VWA8: variants seen among roughly 807,000 people sequenced by gnomAD.
VWA8 encodes von Willebrand factor A domain containing 8, also known as von Willebrand factor A domain-containing protein 8.
VWA8 carries 221 observed loss-of-function variants against 241.5 expected under a neutral mutation model. The ratio of observed to expected loss-of-function variants is 0.91; its 90% confidence interval spans 0.82 to 1.02. VWA8 has a LOEUF of 1.02. Among genes scored for constraint, VWA8 ranks in the 50% least tolerant of loss-of-function variants. VWA8 has a pLI of 0.00. For missense variants in VWA8, 2,322 were observed against 2,328.7 expected (o/e 1.00, Z 0.06); for synonymous variants, 852 against 827.1 (o/e 1.03, Z -0.52).
chr13:41,763,355 TG>T (rs1555332047), intron 20 of VWA8, among the ~76,000 whole-genome samples: 1 of 144,588 alleles, frequency 6.9e-6, no homozygotes, highest in Non-Finnish European at 1.5e-5. Flanking sequence ...ATAGATAAAG[TG>T]GGATAAATTT....
chr13:41,959,583 G>A (rs1878510987), intron 1 of VWA8, among the ~76,000 whole-genome samples: 2 of 143,370 alleles, frequency 1.4e-5, no homozygotes, highest in Admixed American at 1.4e-4. Flanking sequence ...TGAATAAAAC[G>A]AAATACGTGG....
intron 17 of VWA8, among the ~76,000 whole-genome samples, chr13:41,798,460 A>G (rs1233551846): frequency 2.6e-5 from 4 of 152,174 alleles, no homozygotes; most frequent in African/African-American, 9.7e-5. Flanking sequence ...ATTTTCTCTC[A>G]ACACTTTCAG....
At chr13:41,599,499 C>T (rs1171691791) in intron 40 of VWA8, among the ~76,000 whole-genome samples, 1 of 152,110 alleles carries the variant, frequency 6.6e-6, no homozygotes, top group Non-Finnish European at 1.5e-5. Context: ...CACCTCAGTA[C>T]ACAACCTTTT....
chr13:41,648,428 A>G (rs2044846776), intron 37 of VWA8, among the ~76,000 whole-genome samples: 1 of 152,218 alleles, frequency 6.6e-6, no homozygotes, highest in African/African-American at 2.4e-5. Context: ...ATTTCCCCAG[A>G]AAAGTAAACA....
chr13:41,609,777 T>C (rs2044575573), intron 39 of VWA8, among the ~76,000 whole-genome samples: 1 of 152,168 alleles, frequency 6.6e-6, no homozygotes, highest in Admixed American at 6.6e-5. Flanking sequence ...CCTCTGTCTT[T>C]CAACCACCTT....
At chr13:41,952,573 G>C (rs1593894243) in intron 1 of VWA8, among the ~76,000 whole-genome samples, 1 of 152,076 alleles carries the variant, frequency 6.6e-6, no homozygotes, top group Non-Finnish European at 1.5e-5. Flanking sequence ...TTGGCCTCCT[G>C]ACAAAATGAT....
chr13:41,601,931 C>T (rs1181482353), intron 40 of VWA8, among the ~76,000 whole-genome samples: 1 of 152,022 alleles, frequency 6.6e-6, no homozygotes, highest in African/African-American at 2.4e-5. Context: ...AACTTTGTGC[C>T]GTTCACCAAG....
chr13:41,924,790 C>T (rs1432065996), intron 2 of VWA8, among the ~76,000 whole-genome samples: 1 of 149,458 alleles, frequency 6.7e-6, no homozygotes, highest in Non-Finnish European at 1.5e-5. Flanking sequence ...ACTTTAAGTT[C>T]TAGGGTACAT....
chr13:41,868,804 C>T (rs532607462), intron 9 of VWA8, among the ~76,000 whole-genome samples: 71 of 142,698 alleles, frequency 5.0e-4, no homozygotes, highest in African/African-American at 9.6e-4. Flanking sequence ...AAGAGAATGG[C>T]GTGAACCCGG....
At chr13:41,946,032 T>C (rs954393565) in intron 2 of VWA8, among the ~76,000 whole-genome samples, 1 of 151,830 alleles carries the variant, frequency 6.6e-6, no homozygotes, top group African/African-American at 2.4e-5. Context: ...AACTGACTTA[T>C]CATATAAAAA....
At chr13:41,582,663 TTATTCC>T (rs1316453132) in intron 42 of VWA8, among the ~76,000 whole-genome samples, 1 of 152,230 alleles carries the variant, frequency 6.6e-6, no homozygotes, top group African/African-American at 2.4e-5. Flanking sequence ...CTTTTGTTAG[TTATTCC>T]TATTCCCTTT....
intron 17 of VWA8, among the ~76,000 whole-genome samples, chr13:41,793,462 TCCTC>T (rs767069728): frequency 8.5e-5 from 13 of 152,238 alleles, no homozygotes; most frequent in Admixed American, 3.9e-4. Flanking sequence ...ATTGAATGTG[TCCTC>T]CCTAAGATTC....
At chr13:41,597,200 A>G (rs1318842272) in intron 40 of VWA8, among the ~76,000 whole-genome samples, 5 of 152,148 alleles carry the variant, frequency 3.3e-5, no homozygotes, top group Admixed American at 2.0e-4. Context: ...CTTATTAAAC[A>G]TTAGCTCCCA....
chr13:41,617,350 C>G (rs1427874091), intron 37 of VWA8, among the ~76,000 whole-genome samples: 3 of 152,054 alleles, frequency 2.0e-5, no homozygotes, highest in Non-Finnish European at 4.4e-5. Flanking sequence ...AACTCCTGAC[C>G]TCAAGTGATC....
intron 17 of VWA8, among the ~76,000 whole-genome samples, chr13:41,794,637 C>A (rs1433136281): frequency 6.6e-6 from 1 of 152,146 alleles, no homozygotes; most frequent in Non-Finnish European, 1.5e-5. Flanking sequence ...CTTTCTCTTG[C>A]CTGATTGCCC....
In VWA8 at chr13:41,887,323, G is replaced by T; in HGVS notation, c.690C>A (p.Val230=). The change falls in exon 6 of 45, where the codon GTC becomes GTA. Residue 230 remains valine (V), a synonymous_variant. Coordinates refer to ENST00000379310, the MANE Select transcript of VWA8 (RefSeq NM_015058.2). Reference sequence around the variant, plus strand: ...TCACTCGGAAATTTTCACTAACTCGGACAATTTTCCAAGAATCCAACTCTT... The same window carrying T: ...TCACTCGGAAATTTTCACTAACTCGTACAATTTTCCAAGAATCCAACTCTT... The part of the protein sequence containing the change: ...TKKELDSWKI[V]RVSENFRVIA... 6 of 1,612,982 alleles carry T rather than the reference G, an allele frequency of 3.7e-6. No homozygotes were observed. Among genetic ancestry groups the T allele is most frequent in the Non-Finnish European group, 5.1e-6 (6 of 1,179,666 alleles).
At position 41,671,042 on chromosome 13, in the gene VWA8, T is replaced by C. The variant is rs778938748; in HGVS notation, c.4515A>G (p.Gly1505=). The C allele has an allele frequency of 1.2e-6, 2 of 1,613,970 alleles. No homozygotes were observed. The highest frequency in any genetic ancestry group is 2.2e-5 in the South Asian group (2 of 91,076). Residue 1505 remains glycine (G), a synonymous_variant, in exon 37 of 45, where the codon GGA becomes GGG. Coordinates refer to ENST00000379310, the MANE Select transcript of VWA8 (RefSeq NM_015058.2). The part of the protein sequence containing the change: ...DKSGVVTVDM[G]GHIRLWETGL... The stretch of plus-strand genomic sequence containing the variant: ...CAGTTTCCCAAAGCCTGATGTGACC[T>C]CCCATATCAACAGTAACAACACCGC...
intron 37 of VWA8, among the ~76,000 whole-genome samples, chr13:41,642,430 G>A (rs1358249853): frequency 6.6e-6 from 1 of 151,632 alleles, no homozygotes; most frequent in Non-Finnish European, 1.5e-5. Context: ...ATGGTGGCAG[G>A]CCCCTATAAT....
intron 31 of VWA8, 141 bp from the exon 32 acceptor site, chr13:41,691,586 T>TA: frequency 1.6e-6 from 2 of 1,226,782 alleles, no homozygotes; most frequent in Non-Finnish European, 2.2e-6. Context: ...AAATGTTAAT[T>TA]AAAAAAACAG....
Sources: gnomAD v4.1 joint callset for allele counts (sites outside exome capture counted in the v4.1 genomes callset) on GRCh38, gnomAD v4.1.1 for gene constraint, MANE v1.5 for transcripts, NCBI Gene and HGNC (gene_info 2026-07-23, HGNC 2026-07-21) for gene names.